Variants in VPS13C observed in about 807,000 individuals in gnomAD.
VPS13C encodes the protein intermembrane lipid transfer protein VPS13C.
In VPS13C, 358 loss-of-function variants were observed where a neutral mutation model predicts 456.8. That is an observed-to-expected ratio of 0.78 (90% CI 0.72 to 0.86). VPS13C has a LOEUF of 0.86. Ranked by LOEUF, VPS13C falls within the 40% of genes least tolerant of loss-of-function variation. The pLI is 0.00. For missense variants in VPS13C, 4,818 were observed against 4,385.4 expected, an observed-to-expected ratio of 1.10 and a Z score of -2.79; for synonymous variants, 1,578 against 1,486.7, an observed-to-expected ratio of 1.06 and a Z score of -1.41.
chr15:62,038,630 C>T (rs912916790), intron 3 of VPS13C, among the ~76,000 whole-genome samples: 1 of 152,036 alleles, frequency 6.6e-6, no homozygotes, highest in Admixed American at 6.6e-5. Flanking sequence ...TAAAAATCTT[C>T]TGCACAGCAA....
rs1227205056 is a variant in VPS13C at position 61,927,184 on chromosome 15, G to A, written c.6423C>T (p.Ser2141=). 1.2e-6 allele frequency: 2 copies of A among 1,614,156 alleles called. No homozygotes were observed. Among genetic ancestry groups the A allele is most frequent in the Admixed American group, 1.7e-5 (1 of 60,020 alleles). The change falls in exon 52 of 85, where the codon TCC becomes TCT. Residue 2141 remains serine (S), a synonymous_variant. Coordinates refer to ENST00000644861, the MANE Select transcript of VPS13C (RefSeq NM_020821.3). Reference sequence around the variant, plus strand: ...AAGCTTCCATCATCTGTTCGAGTTTGGATGTTGACAGAGAAAGGTTGCACT... The same window carrying A: ...AAGCTTCCATCATCTGTTCGAGTTTAGATGTTGACAGAGAAAGGTTGCACT... ...SFQCNLSLST[S]KLEQMMEASV... is the part of the protein sequence containing the mutation.
chr15:62,002,556 G>A (rs2046666851), intron 15 of VPS13C, among the ~76,000 whole-genome samples: 1 of 152,124 alleles, frequency 6.6e-6, no homozygotes, highest in African/African-American at 2.4e-5. Context: ...GGCTTTTGTT[G>A]CCATTGCTTT....
intron 14 of VPS13C, 137 bp from the exon 15 acceptor site, chr15:62,007,616 C>G: frequency 1.4e-6 from 1 of 698,018 alleles, no homozygotes; most frequent in South Asian, 3.6e-5. Context: ...CTCAGCAATT[C>G]CCAGTAAAAT....
In VPS13C at chr15:62,008,658, C is replaced by T. The variant is rs750981594; in HGVS notation, c.1115G>A (p.Arg372Gln). 3.8e-6 allele frequency: 6 copies of T among 1,594,028 alleles called. No individual in the cohort carries two copies. The highest frequency in any genetic ancestry group is 2.7e-5 in the African/African-American group (2 of 74,134). The change falls in exon 14 of 85, where the codon CGA becomes CAA. Residue 372 changes from arginine to glutamine, a missense_variant. By Grantham distance (43) the Arg-to-Gln change is conservative. Transcript: ENST00000644861. ...CAAAAAACAAATTCTAACTTACCAT[C>T]GTCGACCATTGGTATGAAGTGGTAA... is the stretch of plus-strand genomic sequence containing the variant. Reference protein sequence around the residue: ...PYLPLHTNGRRWWKYAIDSVL... With the variant: ...PYLPLHTNGRQWWKYAIDSVL...
At position 61,867,187 on chromosome 15, in the gene VPS13C, C is replaced by T. The variant is rs570200097; in HGVS notation, c.10863+1472G>A. The T allele has an allele frequency of 2.3e-5, 23 of 983,174 alleles. No individual in the cohort carries two copies. The highest frequency in any genetic ancestry group is 2.7e-5 in the Non-Finnish European group (22 of 827,896). 60.9% of individuals were successfully genotyped at this position (983,174 alleles called of 1,614,324 possible). On this transcript the variant is annotated intron_variant, in intron 81 of 84. Transcript: ENST00000644861. This position sits in a 1 kb window ranked among gnomAD's most constrained non-coding sequence, Gnocchi z 5.0. ...TAATTACATGTTCAACTTCTATCTA[C>T]ATTAATTAAAACTAATAATTATGAA...
chr15:61,858,829 A>G lies in VPS13C; in HGVS notation c.10953-2420T>C, dbSNP rs1253937185. ...TCTTAGAATTCTGCCAACAACAGCAAATGAGCTTGGAAGTGGATTCTGTGG... is the reference window on the plus strand; with the variant it reads ...TCTTAGAATTCTGCCAACAACAGCAGATGAGCTTGGAAGTGGATTCTGTGG... On this transcript the variant is annotated intron_variant, in intron 82 of 84. Transcript: ENST00000644861. The surrounding 1 kb of genome is among the most constrained non-coding windows in gnomAD (Gnocchi z 4.4). 6.6e-6 allele frequency among the ~76,000 whole-genome samples: 1 copy of G among 152,162 alleles called. No individual in the cohort carries two copies. The highest frequency in any genetic ancestry group is 1.5e-5 in the Non-Finnish European group (1 of 68,024).
intron 67 of VPS13C, among the ~76,000 whole-genome samples, chr15:61,884,485 A>G (rs1318160042): frequency 6.6e-6 from 1 of 152,124 alleles, no homozygotes; most frequent in Non-Finnish European, 1.5e-5. Flanking sequence ...ACATCAACCA[A>G]CTAAGGGACT....
intron 82 of VPS13C, 115 bp from the exon 83 acceptor site, chr15:61,856,524 C>A: frequency 8.1e-7 from 1 of 1,234,272 alleles, no homozygotes; most frequent in South Asian, 1.5e-5. Context: ...ACAATATAAA[C>A]TGGCACTAAA....
chr15:61,910,898 A>C (rs1447589336), intron 63 of VPS13C, among the ~76,000 whole-genome samples: 1 of 152,142 alleles, frequency 6.6e-6, no homozygotes. Context: ...TCTATTTCTG[A>C]ATAAAAAATA....
chr15:61,997,375 A>G (rs1469568541), intron 16 of VPS13C, among the ~76,000 whole-genome samples: 1 of 152,058 alleles, frequency 6.6e-6, no homozygotes, highest in African/African-American at 2.4e-5. Flanking sequence ...TAGCTATTCT[A>G]ATTCCTGAGG....
intron 66 of VPS13C, among the ~76,000 whole-genome samples, chr15:61,903,768 G>A (rs775622842): frequency 5.3e-5 from 8 of 152,080 alleles, no homozygotes; most frequent in African/African-American, 9.7e-5. Flanking sequence ...CCAAAACATC[G>A]TGGCAGTAGC....
In VPS13C at chr15:61,856,405, C is replaced by T. The variant is rs777440107; in HGVS notation, c.10957G>A (p.Val3653Met). Residue 3653 changes from valine to methionine, a missense_variant, in exon 83 of 85, where the codon GTG (valine) becomes ATG (methionine). Coordinates refer to ENST00000644861, the MANE Select transcript of VPS13C (RefSeq NM_020821.3). ...KTILMVTNRR[V>M]LCIKEVEILG... ...ATTTCAACTTCCTTTATACACAACA[C>T]TCGCCTATTTTGCAAAAGAAAACAA... The T allele has an allele frequency of 1.2e-6, 2 of 1,610,264 alleles. No individual in the cohort carries two copies. Among genetic ancestry groups the T allele is most frequent in the Non-Finnish European group, 1.7e-6 (2 of 1,178,710 alleles).
chr15:61,974,794 TTC>T (rs2045654980), intron 24 of VPS13C, among the ~76,000 whole-genome samples: 1 of 152,176 alleles, frequency 6.6e-6, no homozygotes, highest in Non-Finnish European at 1.5e-5. Context: ...CTTTATTTCT[TTC>T]TATATATAGC....
Position 62,035,011 on chromosome 15 carries a change from C to T in VPS13C, c.229G>A (p.Glu77Lys), listed in dbSNP as rs202047135. Residue 77 changes from glutamate (E) to lysine (K), a missense_variant, in exon 4 of 85, where the codon GAA (glutamate) becomes AAA (lysine). Transcript: ENST00000644861. ...CCTTCCAGGGTCGCAACAACTGCTT[C>T]TCCATAAAGGTTCTTCCAAGGAATC... ...LKIPWKNLYG[E>K]AVVATLEGLY... is the part of the protein sequence containing the mutation. 14 of 1,604,634 alleles carry T rather than the reference C, an allele frequency of 8.7e-6. No individual in the cohort carries two copies. The Admixed American group carries it at 2.2e-4, about 25-fold the overall frequency.
chr15:61,892,439 T>C (rs1358003133), intron 66 of VPS13C, among the ~76,000 whole-genome samples: 3 of 152,026 alleles, frequency 2.0e-5, no homozygotes, highest in African/African-American at 4.8e-5. Flanking sequence ...TACCACCATC[T>C]AGTGCTGAAT....
chr15:62,006,065 T>C (rs376969382), intron 15 of VPS13C, among the ~76,000 whole-genome samples: 44 of 149,688 alleles, frequency 2.9e-4, no homozygotes, highest in African/African-American at 9.7e-4. Context: ...GTAAAAGCTG[T>C]TTTTTTGTTT....
intron 1 of VPS13C, among the ~76,000 whole-genome samples, chr15:62,059,282 G>A (rs568578956): frequency 3.3e-5 from 5 of 152,288 alleles, no homozygotes; most frequent in African/African-American, 1.2e-4. Flanking sequence ...AGTGGCTAGT[G>A]GTTACCCTAG....
chr15:62,034,895 C>T (rs2047936763), intron 4 of VPS13C, 62 bp downstream of exon 4: 21 of 1,131,478 alleles, frequency 1.9e-5, no homozygotes, highest in Non-Finnish European at 2.7e-5. Flanking sequence ...AAATACTTAA[C>T]TCAGATAACA....
chr15:61,866,904 T>A, intron 81 of VPS13C: 1 of 984,004 alleles, frequency 1.0e-6, no homozygotes, highest in Non-Finnish European at 1.2e-6. Flanking sequence ...AATCTAAGTT[T>A]ATACTTTGGC....
Sources: gnomAD v4.1 joint callset for allele counts (sites outside exome capture counted in the v4.1 genomes callset) on GRCh38, gnomAD v4.1.1 for gene constraint, Gnocchi (gnomAD v3.1) non-coding constraint, MANE v1.5 for transcripts, NCBI Gene and HGNC (gene_info 2026-07-23, HGNC 2026-07-21) for gene names.